The following GNAI1 variants were observed in gnomAD, a reference collection of about 807,000 sequenced individuals.
GNAI1 encodes the protein guanine nucleotide-binding protein G(i) subunit alpha-1.
A neutral mutation model predicts 38.9 loss-of-function variants in GNAI1; 11 were observed. That is an observed-to-expected ratio of 0.28 (90% CI 0.18 to 0.47). The LOEUF (loss-of-function observed/expected upper bound fraction) is 0.47, where lower values mean the gene tolerates loss of function less well. GNAI1 is among the 20% of genes least tolerant of loss of function. GNAI1 has a pLI of 0.99. For missense variants in GNAI1, 317 were observed against 436.9 expected (o/e 0.73, Z 2.45); for synonymous variants, 166 against 145.1 (o/e 1.14, Z -1.04).
intron 2 of GNAI1, 36 bp downstream of exon 2, chr7:80,189,029 T>G: frequency 6.2e-7 from 1 of 1,603,860 alleles, no homozygotes; most frequent in Non-Finnish European, 8.5e-7. Context: ...GCTGTTTAAG[T>G]TAGTGTACCG....
At chr7:80,150,610 T>G (rs1255609120) in intron 1 of GNAI1, among the ~76,000 whole-genome samples, 3 of 152,148 alleles carry the variant, frequency 2.0e-5, no homozygotes, top group Non-Finnish European at 2.9e-5. Flanking sequence ...GGGAAGTGGA[T>G]CAGGAGGATG....
intron 1 of GNAI1, among the ~76,000 whole-genome samples, chr7:80,182,880 T>C (rs557371375): frequency 6.6e-6 from 1 of 152,288 alleles, no homozygotes; most frequent in East Asian, 1.9e-4. Context: ...TTTACTGTGG[T>C]AATTGGGATG....
At chr7:80,203,110 A>G (rs1482015463) in intron 4 of GNAI1, among the ~76,000 whole-genome samples, 1 of 152,222 alleles carries the variant, frequency 6.6e-6, no homozygotes, top group Non-Finnish European at 1.5e-5. Context: ...CAACATATGT[A>G]GCACCAGTGG....
At chr7:80,217,228 A>ATGAAACTGACTTCAGTTTCCTATGTC in intron 7 of GNAI1, 75 bp from the exon 8 acceptor site, 1 of 988,072 alleles carries the variant, frequency 1.0e-6, no homozygotes. Flanking sequence ...TTTCATATGT[A>ATGAAACTGACTTCAGTTTCCTATGTC]TGAAACTGAA....
rs888574468 is a variant in GNAI1, at chr7:80,169,817, C to T, written c.119-19134C>T. Among the ~76,000 whole-genome samples the T allele has an allele frequency of 3.3e-5, 5 of 152,134 alleles. 1 individual carries two copies. Among genetic ancestry groups the T allele is most frequent in the African/African-American group, 4.8e-5 (2 of 41,436 alleles). ...ACCACCAAAAATTTCATGACCTTTA[C>T]CAGTCACTTCTCATTTCCCACAAAA... On this transcript the variant is annotated intron_variant, in intron 1 of 7. Coordinates refer to ENST00000649796, the MANE Select transcript of GNAI1 (RefSeq NM_002069.6).
intron 1 of GNAI1, among the ~76,000 whole-genome samples, chr7:80,172,815 A>G (rs1788119059): frequency 6.6e-6 from 1 of 152,072 alleles, no homozygotes; most frequent in African/African-American, 2.4e-5. Context: ...AACCAAAACA[A>G]ATTTTTTTTA....
intron 1 of GNAI1, among the ~76,000 whole-genome samples, chr7:80,166,321 A>C (rs1387116261): frequency 1.3e-5 from 2 of 152,188 alleles, no homozygotes; most frequent in Non-Finnish European, 2.9e-5. Flanking sequence ...ATAGACATGC[A>C]GTCTTCCAGA....
rs1374008597 is a variant in GNAI1, at chr7:80,221,652, T to A, written c.*4159T>A. 1.8e-3 allele frequency among the ~76,000 whole-genome samples: 256 copies of A among 143,210 alleles called. 5 individuals are homozygous for A. Among genetic ancestry groups the A allele is most frequent in the African/African-American group, 6.1e-3 (235 of 38,724 alleles). The allele number at this position is 143,210 out of a possible 152,430, so 94.0% of individuals were successfully genotyped here. On this transcript the variant is annotated 3_prime_UTR_variant, in exon 8 of 8. Transcript: ENST00000649796. ...GGAAATTTTCTTTTTTTTTTTTTTTTTTTTTTTTTGGTATGGAGTCTTGCT... is the reference window on the plus strand; with the variant it reads ...GGAAATTTTCTTTTTTTTTTTTTTTATTTTTTTTTGGTATGGAGTCTTGCT...
intron 1 of GNAI1, among the ~76,000 whole-genome samples, chr7:80,153,922 A>G (rs114298581): frequency 0.01 from 1,585 of 152,078 alleles, 26 homozygotes; most frequent in African/African-American, 0.035. Flanking sequence ...TTTTAAATTA[A>G]TTAATTATTT....
At chr7:80,196,581 C>A (rs1423407577) in intron 3 of GNAI1, among the ~76,000 whole-genome samples, 1 of 151,906 alleles carries the variant, frequency 6.6e-6, no homozygotes, top group Non-Finnish European at 1.5e-5. Flanking sequence ...ATCATTGACT[C>A]CCTAATTTGT....
chr7:80,210,438 C>T (rs1250478813), intron 5 of GNAI1, among the ~76,000 whole-genome samples: 1 of 152,030 alleles, frequency 6.6e-6, no homozygotes, highest in Non-Finnish European at 1.5e-5. Flanking sequence ...TTTGCTTGCC[C>T]TACATTTTCT....
intron 1 of GNAI1, among the ~76,000 whole-genome samples, chr7:80,156,634 C>G (rs576754530): frequency 6.6e-6 from 1 of 152,148 alleles, no homozygotes; most frequent in African/African-American, 2.4e-5. Flanking sequence ...GTATCTTGCT[C>G]TGTTTCCCAG....
At chr7:80,203,175 T>C (rs961452233) in intron 4 of GNAI1, among the ~76,000 whole-genome samples, 2 of 152,190 alleles carry the variant, frequency 1.3e-5, no homozygotes, top group African/African-American at 4.8e-5. Flanking sequence ...AGCAGTAAAG[T>C]GCAGCGTAAA....
chr7:80,202,170 A>T (rs1248513309), intron 4 of GNAI1, among the ~76,000 whole-genome samples: 2 of 152,002 alleles, frequency 1.3e-5, no homozygotes, highest in Admixed American at 6.6e-5. Flanking sequence ...GCTCACTGCA[A>T]CCTGGGCCTC....
chr7:80,175,236 A>T (rs1427904469), intron 1 of GNAI1, among the ~76,000 whole-genome samples: 1 of 152,198 alleles, frequency 6.6e-6, no homozygotes, highest in East Asian at 1.9e-4. Context: ...AAAATTTTTA[A>T]AATAAAAATA....
In GNAI1 at chr7:80,134,962, C is replaced by T. The variant is rs1384908479; in HGVS notation, c.-199C>T. 1.0e-5 allele frequency: 4 copies of T among 400,968 alleles called. No individual in the cohort carries two copies. Among genetic ancestry groups the T allele is most frequent in the Non-Finnish European group, 1.8e-5 (4 of 227,872 alleles). The allele number at this position is 400,968 out of a possible 1,614,324, so 24.8% of individuals were successfully genotyped here. A position where few individuals can be genotyped will look rare whatever the true frequency, so the allele number is the denominator to read the frequency against. ...GCCGGGCCGGGAAGCAGAGCCTGGT[C>T]GTGAGGAACAGCCGCCCGTTGCTGT... On this transcript the variant is annotated 5_prime_UTR_variant, in exon 1 of 8. Transcript: ENST00000649796.
Position 80,218,608 on chromosome 7 carries a change from T to C in GNAI1, c.*1115T>C, listed in dbSNP as rs1039531849. On this transcript the variant is annotated 3_prime_UTR_variant, in exon 8 of 8. Coordinates refer to ENST00000649796, the MANE Select transcript of GNAI1 (RefSeq NM_002069.6). ...TGCTGATATAATGCAAGATTTAAAT[T>C]TATACATATAACTAATTTCAAATGT... is the stretch of plus-strand genomic sequence containing the variant. 2.6e-5 allele frequency: 4 copies of C among 152,160 alleles called. No individual in the cohort carries two copies. The highest frequency in any genetic ancestry group is 5.9e-5 in the Non-Finnish European group (4 of 68,022). 9.4% of individuals were successfully genotyped at this position (152,160 alleles called of 1,614,324 possible).
At chr7:80,192,797 C>T (rs895376923) in intron 3 of GNAI1, among the ~76,000 whole-genome samples, 3 of 151,998 alleles carry the variant, frequency 2.0e-5, no homozygotes, top group East Asian at 1.9e-4. Context: ...CCTGGTTCAG[C>T]GATTCTCCTG....
At chr7:80,143,298 G>A (rs897957262) in intron 1 of GNAI1, among the ~76,000 whole-genome samples, 13 of 152,146 alleles carry the variant, frequency 8.5e-5, no homozygotes, top group African/African-American at 3.1e-4. Context: ...TAGATACTAG[G>A]TAGGGGAGGT....
Sources: gnomAD v4.1 joint callset for allele counts (sites outside exome capture counted in the v4.1 genomes callset) on GRCh38, gnomAD v4.1.1 for gene constraint, MANE v1.5 for transcripts, NCBI Gene and HGNC (gene_info 2026-07-23, HGNC 2026-07-21) for gene names.